The following FRY variants were observed in gnomAD, a reference collection of about 807,000 sequenced individuals.
FRY encodes FRY microtubule binding protein.
Under a neutral mutation model 348.4 loss-of-function variants are expected in FRY, and 128 were observed. The ratio of observed to expected loss-of-function variants is 0.37; its 90% confidence interval spans 0.32 to 0.43. FRY has a LOEUF of 0.43. Ranked by LOEUF, FRY falls within the 20% of genes least tolerant of loss-of-function variation. The pLI, the probability that FRY is intolerant of heterozygous loss-of-function variation, is 1.00. For missense variants in FRY, 2,736 were observed against 3,695.2 expected, an observed-to-expected ratio of 0.74 and a Z score of 6.73; for synonymous variants, 1,370 against 1,374.7, an observed-to-expected ratio of 1.00 and a Z score of 0.08.
intron 16 of FRY, among the ~76,000 whole-genome samples, chr13:32,157,889 G>C (rs1396154310): frequency 6.6e-6 from 1 of 152,226 alleles, no homozygotes; most frequent in East Asian, 1.9e-4. Flanking sequence ...TGAAGATCTA[G>C]ATTGACAATT....
At chr13:32,064,772 A>G (rs1368382466) in intron 1 of FRY, among the ~76,000 whole-genome samples, 1 of 152,188 alleles carries the variant, frequency 6.6e-6, no homozygotes, top group African/African-American at 2.4e-5. Flanking sequence ...ATCTATCTTC[A>G]TATTCTCCAC....
At chr13:32,276,813 G>A (rs948451895) in intron 57 of FRY, among the ~76,000 whole-genome samples, 1 of 152,090 alleles carries the variant, frequency 6.6e-6, no homozygotes, top group South Asian at 2.1e-4. Flanking sequence ...AAAAAAAAAT[G>A]GGTATGTACT....
intron 17 of FRY, among the ~76,000 whole-genome samples, chr13:32,168,118 G>A (rs1283622707): frequency 6.6e-6 from 1 of 152,150 alleles, no homozygotes; most frequent in Non-Finnish European, 1.5e-5. Context: ...ACCTTCATGG[G>A]GGGCCAGCAA....
intron 35 of FRY, among the ~76,000 whole-genome samples, chr13:32,215,658 C>T (rs1224054024): frequency 6.6e-6 from 1 of 152,196 alleles, no homozygotes; most frequent in Non-Finnish European, 1.5e-5. Context: ...CGGGCTCAGC[C>T]TCCCAGGCTC....
At chr13:32,147,241 C>G (rs760998846) in intron 11 of FRY, 41 bp from the exon 12 acceptor site, 2 of 1,200,548 alleles carry the variant, frequency 1.7e-6, no homozygotes, top group South Asian at 2.4e-5. Context: ...TCAGACCTCA[C>G]TATTTACATC....
At chr13:32,084,186 C>G (rs407412) in intron 2 of FRY, among the ~76,000 whole-genome samples, 103,475 of 151,968 alleles carry the variant, frequency 0.68, 35,424 homozygotes, top group Non-Finnish European at 0.69. Context: ...CCTTTGCTCC[C>G]TGAAGCTCAT....
At chr13:32,253,496 G>C (rs1887186366) in intron 50 of FRY, among the ~76,000 whole-genome samples, 1 of 152,256 alleles carries the variant, frequency 6.6e-6, no homozygotes, top group Middle Eastern at 3.4e-3. Flanking sequence ...AGGCTGGATA[G>C]CAAAACATTT....
intron 36 of FRY, among the ~76,000 whole-genome samples, chr13:32,219,381 G>A (rs1292925462): frequency 2.7e-5 from 4 of 147,366 alleles, no homozygotes; most frequent in African/African-American, 7.5e-5. Context: ...GAGCCACCGC[G>A]CCCGGCCGTG....
chr13:32,127,435 T>C (rs1879083269), intron 7 of FRY, among the ~76,000 whole-genome samples: 1 of 152,204 alleles, frequency 6.6e-6, no homozygotes, highest in African/African-American at 2.4e-5. Context: ...GCAAATAGAT[T>C]TTTTGATGGC....
intron 28 of FRY, among the ~76,000 whole-genome samples, chr13:32,188,792 A>T: frequency 6.6e-6 from 1 of 152,136 alleles, no homozygotes; most frequent in Admixed American, 6.5e-5. Context: ...TTCTTTGAAG[A>T]TCTATAGAAT....
rs557473766 is a variant in FRY, at chr13:32,236,654, A to G, written c.5810+482A>G. Among the ~76,000 whole-genome samples the G allele has an allele frequency of 1.2e-3, 182 of 150,862 alleles. 1 individual carries two copies. The highest frequency in any genetic ancestry group is 4.2e-3 in the African/African-American group (173 of 41,268). On this transcript the variant is annotated intron_variant, in intron 43 of 60. Coordinates refer to ENST00000542859, the MANE Select transcript of FRY (RefSeq NM_023037.3). ...AGTATCTTTTTTTTTGCTCCTGCCA[A>G]TGTTTAATAATTCATTTCAAATTAT...
chr13:32,257,824 G>A, intron 51 of FRY: 1 of 672,428 alleles, frequency 1.5e-6, no homozygotes, highest in Non-Finnish European at 2.6e-6. Context: ...CTTTTAAGGT[G>A]CACCTACTGA....
At chr13:32,268,208 CT>C (rs2138568469) in intron 55 of FRY, among the ~76,000 whole-genome samples, 1 of 152,270 alleles carries the variant, frequency 6.6e-6, no homozygotes, top group African/African-American at 2.4e-5. Context: ...CTCTATGCAT[CT>C]TTCTGTAAAC....
intron 1 of FRY, among the ~76,000 whole-genome samples, chr13:32,076,364 G>A (rs1875054140): frequency 6.6e-6 from 1 of 152,194 alleles, no homozygotes; most frequent in Non-Finnish European, 1.5e-5. Flanking sequence ...TCTGTGGCAT[G>A]ATGCCTTTGA....
chr13:32,070,417 C>T (rs576064810), intron 1 of FRY, among the ~76,000 whole-genome samples: 3 of 152,270 alleles, frequency 2.0e-5, no homozygotes, highest in Non-Finnish European at 2.9e-5. Flanking sequence ...TTCTAACTGG[C>T]ATGAGATGGT....
intron 1 of FRY, among the ~76,000 whole-genome samples, chr13:32,055,117 G>C (rs1195715288): frequency 1.3e-5 from 2 of 152,126 alleles, no homozygotes. Flanking sequence ...TGTGATCATA[G>C]ATCACTGAAG....
intron 2 of FRY, chr13:32,086,070 G>A (rs541286033): frequency 2.1e-6 from 1 of 478,124 alleles, no homozygotes; most frequent in Admixed American, 2.2e-5. Flanking sequence ...CGCCTCTGAG[G>A]GTTTTCAAAG....
intron 48 of FRY, 67 bp from the exon 49 acceptor site, chr13:32,249,459 G>T: frequency 6.4e-7 from 1 of 1,555,302 alleles, no homozygotes. Context: ...GTTGCTTCTG[G>T]GGAGAAGGGT....
At chr13:32,229,564 A>G (rs1215470623) in intron 40 of FRY, among the ~76,000 whole-genome samples, 1 of 152,220 alleles carries the variant, frequency 6.6e-6, no homozygotes, top group African/African-American at 2.4e-5. Context: ...GTATGCCTGC[A>G]CATACAGGGT....
Sources: allele counts gnomAD v4.1 joint callset (sites outside exome capture counted in the v4.1 genomes callset), GRCh38; gene constraint gnomAD v4.1.1; transcripts MANE v1.5; gene names NCBI Gene and HGNC (gene_info 2026-07-23, HGNC 2026-07-21).